The following SHARPIN variants were observed in gnomAD, a reference collection of about 807,000 sequenced individuals.
The protein encoded by SHARPIN is hSIPL1.
In SHARPIN, 25 loss-of-function variants were observed where a neutral mutation model predicts 40.3. The ratio of observed to expected loss-of-function variants is 0.62; its 90% CI spans 0.45 to 0.87. SHARPIN has a LOEUF of 0.87. Among genes scored for constraint, SHARPIN ranks in the 40% least tolerant of loss-of-function variants. The pLI is 0.00. For synonymous variants in SHARPIN, 274 were observed against 221.8 expected, an observed-to-expected ratio of 1.24 and a Z score of -2.09; for missense variants, 551 against 516.1, an observed-to-expected ratio of 1.07 and a Z score of -0.66.
At chr8:144,103,331 C>G in intron 1 of SHARPIN, 106 bp from the exon 2 acceptor site, 1 of 1,294,458 alleles carries the variant, frequency 7.7e-7, no homozygotes, top group Non-Finnish European at 1.1e-6. Flanking sequence ...CGGTCCTAAG[C>G]CCTGTACGCC....
At position 144,099,140 on chromosome 8, in the gene SHARPIN, A is replaced by G; in HGVS notation, c.988T>C (p.Ser330Pro). ...DGELGRLFPP[S>P]LGLPPGPQPA... ...TGGGGGCCTGGGGGTAGCCCCAATG[A>G]TGGGGGAAACAAGCGTCCAAGTTCC... The change falls in exon 7 of 9, where the codon TCA becomes CCA. Residue 330 changes from serine (S) to proline (P), a missense_variant. Physicochemically the swap from Ser to Pro is moderately conservative, Grantham distance 74 (BLOSUM62 -1). Transcript: ENST00000398712. 6.3e-7 allele frequency: 1 copy of G among 1,591,096 alleles called. No homozygotes were observed. The highest frequency in any genetic ancestry group is 8.6e-7 in the Non-Finnish European group (1 of 1,169,270).
intron 2 of SHARPIN, 77 bp downstream of exon 2, chr8:144,102,974 G>A: frequency 6.4e-7 from 1 of 1,570,278 alleles, no homozygotes; most frequent in South Asian, 1.1e-5. Context: ...TGGGGAAGGT[G>A]GATCCAACTT....
intron 2 of SHARPIN, among the ~76,000 whole-genome samples, chr8:144,100,997 G>A (rs982427330): frequency 2.6e-5 from 4 of 151,854 alleles, no homozygotes; most frequent in Admixed American, 2.0e-4. Flanking sequence ...CACCACGCCC[G>A]GCTAATTTTG....
In SHARPIN at chr8:144,099,831, C is replaced by A; in HGVS notation, c.531G>T (p.Gly177=). ...CACCTGCAATAGCCCGGGCCAGGCT[C>A]CCTGCCAGCTCTTCTGCAGGGTAAG... ...GNLTEREELA[G]SLARAIAGGD... The change falls in exon 4 of 9, where the codon GGG becomes GGT. Residue 177 remains glycine, a synonymous_variant. Coordinates refer to ENST00000398712, the MANE Select transcript of SHARPIN (RefSeq NM_030974.4). 1.2e-6 allele frequency: 2 copies of A among 1,612,606 alleles called. No homozygotes were observed. The highest frequency in any genetic ancestry group is 1.7e-6 in the Non-Finnish European group (2 of 1,179,984).
In SHARPIN at chr8:144,103,664, C is replaced by T. The variant is rs936145228; in HGVS notation, c.90G>A (p.Pro30=). 9.9e-6 allele frequency: 15 copies of T among 1,521,284 alleles called. No homozygotes were observed. The highest frequency in any genetic ancestry group is 2.0e-5 in the Admixed American group (1 of 50,104). 94.2% of individuals were successfully genotyped at this position (1,521,284 alleles called of 1,614,324 possible). ...CCTCGGCGTCTGGCCCGGCGCCCAG[C>T]GGCCTCACCGCGGCGTGCACAGCCA... ...VLLAVHAAVR[P]LGAGPDAEAQ... is the part of the protein sequence containing the mutation. The change falls in exon 1 of 9, where the codon CCG becomes CCA. Residue 30 remains proline, a synonymous_variant. Coordinates refer to ENST00000398712, the MANE Select transcript of SHARPIN (RefSeq NM_030974.4).
chr8:144,098,787 AC>A lies in SHARPIN; in HGVS notation c.*13del. The A allele has an allele frequency of 2.0e-6, 2 of 1,012,108 alleles. No homozygotes were observed. The highest frequency in any genetic ancestry group is 2.9e-6 in the Non-Finnish European group (2 of 694,570). 62.7% of individuals were successfully genotyped at this position (1,012,108 alleles called of 1,614,324 possible). A position where few individuals can be genotyped will look rare whatever the true frequency, so the allele number is the denominator to read the frequency against. On this transcript the variant is annotated splice_region_variant and 3_prime_UTR_variant, in exon 9 of 9. Transcript: ENST00000398712. Reference sequence around the variant, plus strand: ...AGGGAAGGGCCACTCTCCCCTTGTAACCTGTGGGGGAGGAGCTGGGTCATTC... The same window carrying A: ...AGGGAAGGGCCACTCTCCCCTTGTAACTGTGGGGGAGGAGCTGGGTCATTC...
chr8:144,103,521 G>A (rs1463879500), intron 1 of SHARPIN, 32 bp downstream of exon 1: 2 of 1,528,720 alleles, frequency 1.3e-6, no homozygotes, highest in East Asian at 2.5e-5. Flanking sequence ...CGGGCCAAGA[G>A]GACTGACCGC....
chr8:144,101,403 A>ATTTTTTTT (rs34270727), intron 2 of SHARPIN, among the ~76,000 whole-genome samples: 1 of 92,424 alleles, frequency 1.1e-5, no homozygotes, highest in Non-Finnish European at 2.0e-5. Flanking sequence ...CACTCAGCTA[A>ATTTTTTTT]TTTTTTTTTT....
chr8:144,101,836 G>C (rs1836293508), intron 2 of SHARPIN, among the ~76,000 whole-genome samples: 1 of 152,136 alleles, frequency 6.6e-6, no homozygotes, highest in Admixed American at 6.6e-5. Context: ...TTTTGTTCAT[G>C]CCAAAGGAGT....
rs1836249750 is a variant in SHARPIN, at chr8:144,099,783, T to C, written c.579A>G (p.Gln193=). The change falls in exon 4 of 9, where the codon CAA becomes CAG. Residue 193 remains glutamine (Q), a synonymous_variant. Transcript: ENST00000398712. ...GATGCTGGGCCAGGACGGCTGCCAC[T>C]TGGGCTGCCCCCTTCTCGTCTCCAC... ...IAGGDEKGAA[Q]VAAVLAQHRV... The C allele has an allele frequency of 6.2e-7, 1 of 1,613,084 alleles. No homozygotes were observed. Among genetic ancestry groups the C allele is most frequent in the African/African-American group, 1.3e-5 (1 of 75,024 alleles).
In SHARPIN at chr8:144,098,907, A is replaced by G. The variant is rs1264250199; in HGVS notation, c.1135T>C (p.Trp379Arg). ...EMCSTQRPCT[W>R]DPLAAAST ...GTGGAAGCTGCAGCAAGGGGGTCCC[A>G]AGTGCAGGGCCTCTGGGTGCTACAC... The change falls in exon 8 of 9, where the codon TGG becomes CGG. Residue 379 changes from tryptophan to arginine, a missense_variant. Physicochemically the swap from Trp to Arg is moderately radical, Grantham distance 101 (BLOSUM62 -3). Coordinates refer to ENST00000398712, the MANE Select transcript of SHARPIN (RefSeq NM_030974.4). 2 of 1,590,920 alleles carry G rather than the reference A, an allele frequency of 1.3e-6. No homozygotes were observed. The highest frequency in any genetic ancestry group is 4.5e-5 in the East Asian group (2 of 44,044).
At position 144,099,778 on chromosome 8, in the gene SHARPIN, G is replaced by A; in HGVS notation, c.584C>T (p.Ala195Val). The A allele has an allele frequency of 6.2e-7, 1 of 1,613,056 alleles. No homozygotes were observed. The highest frequency in any genetic ancestry group is 8.5e-7 in the Non-Finnish European group (1 of 1,180,000). Residue 195 changes from alanine (A) to valine (V), a missense_variant, in exon 4 of 9, where the codon GCA becomes GTA. Coordinates refer to ENST00000398712, the MANE Select transcript of SHARPIN (RefSeq NM_030974.4). Reference sequence around the variant, plus strand: ...CACACGATGCTGGGCCAGGACGGCTGCCACTTGGGCTGCCCCCTTCTCGTC... The same window carrying A: ...CACACGATGCTGGGCCAGGACGGCTACCACTTGGGCTGCCCCCTTCTCGTC... ...GGDEKGAAQV[A>V]AVLAQHRVAL...
chr8:144,103,034 C>T lies in SHARPIN; in HGVS notation c.376+17G>A. The T allele has an allele frequency of 1.2e-6, 2 of 1,612,462 alleles. No individual in the cohort carries two copies. Among genetic ancestry groups the T allele is most frequent in the East Asian group, 2.2e-5 (1 of 44,854 alleles). Reference sequence around the variant, plus strand: ...GGCTATTCCAAATTGTAATTGTATCCATTACAGGGCACTGACCATTCTGTC... The same window carrying T: ...GGCTATTCCAAATTGTAATTGTATCTATTACAGGGCACTGACCATTCTGTC... On this transcript the variant is annotated intron_variant, in intron 2 of 8. Coordinates refer to ENST00000398712, the MANE Select transcript of SHARPIN (RefSeq NM_030974.4).
rs751816932 is a variant in SHARPIN at position 144,100,076 on chromosome 8, G to GT, written c.377-8dup. ...GGTGAGTTGCTCTTGCTGCCTAGAGGTAAGATATGGGTGTGCTGTGCTGTG... is the reference window on the plus strand; with the variant it reads ...GGTGAGTTGCTCTTGCTGCCTAGAGGTTAAGATATGGGTGTGCTGTGCTGTG... On this transcript the variant is annotated splice_polypyrimidine_tract_variant and splice_region_variant and intron_variant, in intron 2 of 8. Transcript: ENST00000398712. 40 of 1,565,900 alleles carry GT rather than the reference G, an allele frequency of 2.6e-5. No individual in the cohort carries two copies. The highest frequency in any genetic ancestry group is 3.5e-5 in the Non-Finnish European group (40 of 1,156,700).
At chr8:144,102,382 C>T (rs1278990870) in intron 2 of SHARPIN, among the ~76,000 whole-genome samples, 1 of 151,086 alleles carries the variant, frequency 6.6e-6, no homozygotes, top group East Asian at 1.9e-4. Flanking sequence ...AAGTGATTCT[C>T]CTGCCTCAGC....
intron 1 of SHARPIN, 132 bp downstream of exon 1, chr8:144,103,421 G>T: frequency 8.8e-7 from 1 of 1,131,358 alleles, no homozygotes; most frequent in Non-Finnish European, 1.2e-6. Flanking sequence ...CCCATTTCAC[G>T]GACGAGAAAA....
rs1382203125 is a variant in SHARPIN at position 144,100,205 on chromosome 8, C to G, written c.377-136G>C. The G allele has an allele frequency of 1.1e-5, 12 of 1,080,438 alleles. No homozygotes were observed. The East Asian group carries it at 3.0e-4, about 27-fold the overall frequency. 66.9% of individuals were successfully genotyped at this position (1,080,438 alleles called of 1,614,324 possible). A position where few individuals can be genotyped will look rare whatever the true frequency, so the allele number is the denominator to read the frequency against. On this transcript the variant is annotated intron_variant, in intron 2 of 8. Transcript: ENST00000398712. ...GCCTCAGGCCACACTTCTAGCCACA[C>G]CTTCTCCCAGCCTTGGCTCTGGCAA... is the stretch of plus-strand genomic sequence containing the variant.
In SHARPIN at chr8:144,099,442, G is replaced by A. The variant is rs375879516; in HGVS notation, c.769-12C>T. ...AGCTCTGAGAACACCTGTGGCCAGA[G>A]CATCAGGGCAGGTGATGTCACCTAG... On this transcript the variant is annotated splice_polypyrimidine_tract_variant and intron_variant, in intron 5 of 8. Transcript: ENST00000398712. 3 of 1,609,818 alleles carry A rather than the reference G, an allele frequency of 1.9e-6. No homozygotes were observed. Among genetic ancestry groups the A allele is most frequent in the Non-Finnish European group, 8.5e-7 (1 of 1,177,788 alleles).
chr8:144,101,545 A>G (rs1363284091), intron 2 of SHARPIN, among the ~76,000 whole-genome samples: 1 of 146,568 alleles, frequency 6.8e-6, no homozygotes, highest in Non-Finnish European at 1.5e-5. Context: ...AGTAGCTGGG[A>G]CTATAGGTCC....
Sources: allele counts gnomAD v4.1 joint callset (sites outside exome capture counted in the v4.1 genomes callset), GRCh38; gene constraint gnomAD v4.1.1; transcripts MANE v1.5; gene names NCBI Gene and HGNC (gene_info 2026-07-23, HGNC 2026-07-21).